Variants in RBFOX1 observed in about 807,000 individuals in gnomAD.
The protein encoded by RBFOX1 is RNA binding fox-1 homolog 1, also known as RNA binding protein fox-1 homolog 1.
RBFOX1 carries 8 observed loss-of-function variants against 57.7 expected under a neutral mutation model. That is an observed-to-expected ratio of 0.14 (90% confidence interval 0.08 to 0.25). The LOEUF (loss-of-function observed/expected upper bound fraction) is 0.25, where lower values mean the gene tolerates loss of function less well. Ranked by LOEUF, RBFOX1 falls within the 10% of genes least tolerant of loss-of-function variation. The pLI is 1.00. For synonymous variants in RBFOX1, 326 were observed against 222.4 expected, an observed-to-expected ratio of 1.47 and a Z score of -4.15; for missense variants, 611 against 548.5, an observed-to-expected ratio of 1.11 and a Z score of -1.14.
chr16:6,867,280 G>C (rs1487489036), intron 3 of RBFOX1, among the ~76,000 whole-genome samples: 1 of 152,064 alleles, frequency 6.6e-6, no homozygotes, highest in African/African-American at 2.4e-5. Flanking sequence ...AGCATGGATG[G>C]AGGAGAGATC....
rs1393660608 is a variant in RBFOX1, at chr16:7,029,069, T to TACAC, written c.-15-22987_-15-22986insCACA. On this transcript the variant is annotated intron_variant, in intron 3 of 15. Coordinates refer to ENST00000550418, the MANE Select transcript of RBFOX1 (RefSeq NM_018723.4). ...AGCTATATATATATATATATATATATATATATATATATACACACACACACA... is the reference window on the plus strand; with the variant it reads ...AGCTATATATATATATATATATATATACACATATATATATATACACACACACACA... 3.6e-4 allele frequency among the ~76,000 whole-genome samples: 20 copies of TACAC among 55,602 alleles called. 1 individual carries two copies. Among genetic ancestry groups the TACAC allele is most frequent in the Non-Finnish European group, 5.4e-4 (19 of 35,334 alleles). 36.5% of individuals were successfully genotyped at this position (55,602 alleles called of 152,430 possible).
chr16:7,581,978 A>G (rs1385031972), intron 6 of RBFOX1, among the ~76,000 whole-genome samples: 3 of 151,730 alleles, frequency 2.0e-5, no homozygotes, highest in East Asian at 1.9e-4. Flanking sequence ...TGGCCTCCCA[A>G]TGTGCTGGGA....
chr16:7,279,012 AATCTAAAAACTG>A (rs2095492659), intron 4 of RBFOX1, among the ~76,000 whole-genome samples: 1 of 152,008 alleles, frequency 6.6e-6, no homozygotes, highest in Non-Finnish European at 1.5e-5. Context: ...TGGATTTTAA[AATCTAAAAACTG>A]ATGACGGATG....
At chr16:6,585,366 C>G (rs1252558722) in intron 2 of RBFOX1, among the ~76,000 whole-genome samples, 2 of 152,292 alleles carry the variant, frequency 1.3e-5, no homozygotes, top group South Asian at 4.1e-4. Context: ...GTCTCCAAAA[C>G]TTTGAAATCA....
Position 6,222,639 on chromosome 16 carries a change from AGTGATT to A in RBFOX1, c.-126-94355_-126-94350del, listed in dbSNP as rs2097383122. 4.1e-3 allele frequency among the ~76,000 whole-genome samples: 4 copies of A among 984 alleles called. No individual in the cohort carries two copies. The Non-Finnish European group carries it at 0.043, about 11-fold the overall frequency. 0.6% of individuals were successfully genotyped at this position (984 alleles called of 152,430 possible). A position where few individuals can be genotyped will look rare whatever the true frequency, so the allele number is the denominator to read the frequency against. On this transcript the variant is annotated intron_variant, in intron 1 of 15. Coordinates refer to ENST00000550418, the MANE Select transcript of RBFOX1 (RefSeq NM_018723.4). Reference sequence around the variant, plus strand: ...GCCCCTGTTCCAGAGACTGTGATTCAGTGATTCAGTAGGTCTTGGGTAGAATGTAAG... The same window carrying A: ...GCCCCTGTTCCAGAGACTGTGATTCACAGTAGGTCTTGGGTAGAATGTAAG...
At chr16:7,152,689 C>G (rs1567475943) in intron 4 of RBFOX1, among the ~76,000 whole-genome samples, 1 of 152,082 alleles carries the variant, frequency 6.6e-6, no homozygotes, top group Non-Finnish European at 1.5e-5. Flanking sequence ...TTTGGAAATG[C>G]AGCATGGGCA....
At position 5,884,977 on chromosome 16, in the gene RBFOX1, G is replaced by T. The variant is rs188182750; in HGVS notation, c.351+17642G>T. 4.6e-5 allele frequency among the ~76,000 whole-genome samples: 7 copies of T among 152,304 alleles called. No homozygotes were observed. In the East Asian group the frequency reaches 1.4e-3, roughly 29 times the overall value. ...AGGGATACCTAATGTTGGCCCAGAG[G>T]TAGGGGAACCTAGAACCAATGCTTT... On this transcript the variant is annotated intron_variant, in intron 4 of 19. Coordinates refer to the RBFOX1 transcript ENST00000641259.
chr16:7,076,384 G>T (rs973940693), intron 4 of RBFOX1, among the ~76,000 whole-genome samples: 1 of 151,768 alleles, frequency 6.6e-6, no homozygotes, highest in South Asian at 2.1e-4. Flanking sequence ...TATTTTACCC[G>T]AGTCTTTGTC....
At chr16:6,731,685 T>C (rs2068643388) in intron 3 of RBFOX1, among the ~76,000 whole-genome samples, 2 of 152,144 alleles carry the variant, frequency 1.3e-5, no homozygotes, top group African/African-American at 2.4e-5. Context: ...GCACACGTTT[T>C]GAAAGTTTTC....
chr16:6,742,875 T>C (rs1295123038), intron 3 of RBFOX1, among the ~76,000 whole-genome samples: 2 of 152,152 alleles, frequency 1.3e-5, no homozygotes, highest in East Asian at 3.8e-4. Flanking sequence ...AGGAGAAATC[T>C]GTGGTGAATT....
intron 3 of RBFOX1, among the ~76,000 whole-genome samples, chr16:5,777,928 C>A (rs766923653): frequency 2.6e-5 from 4 of 152,156 alleles, no homozygotes; most frequent in African/African-American, 4.8e-5. Flanking sequence ...GCTTTTATTT[C>A]ATTTATTCTT....
chr16:6,888,372 G>A (rs2064625056), intron 3 of RBFOX1, among the ~76,000 whole-genome samples: 1 of 151,804 alleles, frequency 6.6e-6, no homozygotes, highest in South Asian at 2.1e-4. Flanking sequence ...TCGTTTTTTT[G>A]TGAAAATCCA....
intron 3 of RBFOX1, among the ~76,000 whole-genome samples, chr16:5,774,604 A>G (rs941735339): frequency 3.5e-4 from 54 of 152,230 alleles, no homozygotes; most frequent in African/African-American, 1.2e-3. Flanking sequence ...ACCATTGTAT[A>G]AACATTTACA....
At chr16:6,656,692 G>C (rs969283843) in intron 3 of RBFOX1, among the ~76,000 whole-genome samples, 2 of 151,554 alleles carry the variant, frequency 1.3e-5, no homozygotes, top group Non-Finnish European at 2.9e-5. Flanking sequence ...CCTTGTTTCT[G>C]ATGAGTTTTC....
At position 7,155,698 on chromosome 16, in the gene RBFOX1, C is replaced by CAAAAAAAA. The variant is rs1204208973; in HGVS notation, c.27+103608_27+103615dup. Among the ~76,000 whole-genome samples, 36 of 24,382 alleles carry CAAAAAAAA rather than the reference C, an allele frequency of 1.5e-3. 2 individuals carry two copies. Among genetic ancestry groups the CAAAAAAAA allele is most frequent in the African/African-American group, 4.9e-3 (15 of 3,042 alleles). 16.0% of individuals were successfully genotyped at this position (24,382 alleles called of 152,430 possible). On this transcript the variant is annotated intron_variant, in intron 4 of 15. Transcript: ENST00000550418. ...TTGCCTTCCTCCCTTCTCCTCCCAC[C>CAAAAAAAA]AAAAAAAAAAAAAAATATATATATA...
chr16:6,787,525 A>G (rs1473386578), intron 3 of RBFOX1, among the ~76,000 whole-genome samples: 1 of 152,154 alleles, frequency 6.6e-6, no homozygotes. Flanking sequence ...GGCAATAGAA[A>G]TTGGGTGTAA....
At chr16:6,310,205 C>G (rs1334385589) in intron 1 of RBFOX1, among the ~76,000 whole-genome samples, 4 of 152,144 alleles carry the variant, frequency 2.6e-5, no homozygotes, top group Admixed American at 2.0e-4. Flanking sequence ...CTTTAAGCAG[C>G]ATAAGCCACA....
rs117253900 is a variant in RBFOX1, at chr16:6,208,885, C to A, written c.-126-108110C>A. Among the ~76,000 whole-genome samples, 491 of 152,204 alleles carry A rather than the reference C, an allele frequency of 3.2e-3. 11 individuals are homozygous for A. The East Asian group carries it at 0.053, about 17-fold the overall frequency. On this transcript the variant is annotated intron_variant, in intron 1 of 15. Coordinates refer to ENST00000550418, the MANE Select transcript of RBFOX1 (RefSeq NM_018723.4). ...AGTCCCCACCACTTCCTAGAGTGTT[C>A]CCCCTACAAGGAGGCTAAGTATCTG... is the stretch of plus-strand genomic sequence containing the variant.
At chr16:7,451,266 A>G (rs778977382) in intron 4 of RBFOX1, among the ~76,000 whole-genome samples, 9 of 152,226 alleles carry the variant, frequency 5.9e-5, no homozygotes, top group Admixed American at 1.3e-4. Flanking sequence ...AGCTTTTGCT[A>G]TGTACTTATT....
Sources: allele counts gnomAD v4.1 joint callset (sites outside exome capture counted in the v4.1 genomes callset), GRCh38; gene constraint gnomAD v4.1.1; transcripts MANE v1.5; gene names NCBI Gene and HGNC (gene_info 2026-07-23, HGNC 2026-07-21).